STRIP1: variants seen among roughly 807,000 people sequenced by gnomAD.
STRIP1 encodes the protein striatin interacting protein 1.
A neutral mutation model predicts 106.2 loss-of-function variants in STRIP1; 63 were observed. The observed-to-expected ratio is 0.59, with a 90% CI of 0.48 to 0.73. The LOEUF (loss-of-function observed/expected upper bound fraction) is 0.73. Ranked by LOEUF, STRIP1 falls within the 30% of genes least tolerant of loss-of-function variation. The pLI is 0.00. For synonymous variants in STRIP1, 390 were observed against 413.0 expected (o/e 0.94, Z 0.67); for missense variants, 857 against 1,074.8 (o/e 0.80, Z 2.83).
chr1:110,050,269 G>T (rs1653229694), intron 17 of STRIP1, 74 bp from the exon 18 acceptor site: 7 of 1,462,732 alleles, frequency 4.8e-6, no homozygotes, highest in Non-Finnish European at 6.7e-6. Flanking sequence ...CTGGGAGCTG[G>T]CTCAGGCACG....
Position 110,054,075 on chromosome 1 carries a change from C to A in STRIP1, c.*163C>A. 1.3e-6 allele frequency: 1 copy of A among 795,322 alleles called. No individual in the cohort carries two copies. The highest frequency in any genetic ancestry group is 2.0e-6 in the Non-Finnish European group (1 of 505,998). The allele number at this position is 795,322 out of a possible 1,614,324, so 49.3% of individuals were successfully genotyped here. A position where few individuals can be genotyped will look rare whatever the true frequency, so the allele number is the denominator to read the frequency against. On this transcript the variant is annotated 3_prime_UTR_variant, in exon 21 of 21. Coordinates refer to ENST00000369795, the MANE Select transcript of STRIP1 (RefSeq NM_033088.4). ...CTGGGCTTGGGTGAGCCCAGCTTGA[C>A]CTCCCCTTGGTTCCCAGGGTCCTGC...
chr1:110,036,822 G>A (rs1652480028), intron 1 of STRIP1, among the ~76,000 whole-genome samples: 1 of 151,826 alleles, frequency 6.6e-6, no homozygotes, highest in African/African-American at 2.4e-5. Context: ...TATGTTTTTT[G>A]TTTTGTTTTG....
intron 12 of STRIP1, chr1:110,045,330 C>CA (rs1652970707): frequency 2.1e-6 from 1 of 468,946 alleles, no homozygotes; most frequent in Non-Finnish European, 3.9e-6. Context: ...ATTACCTGAC[C>CA]ACCGGGCACC....
At chr1:110,034,243 C>T (rs1482352858), upstream of STRIP1, among the ~76,000 whole-genome samples, 1 of 152,184 alleles carries the variant, frequency 6.6e-6, no homozygotes, top group Non-Finnish European at 1.5e-5. Context: ...GAATGAATGA[C>T]AAGCACTTGT....
intron 1 of STRIP1, among the ~76,000 whole-genome samples, chr1:110,035,432 T>G (rs1160848471): frequency 6.6e-6 from 1 of 152,206 alleles, no homozygotes; most frequent in Non-Finnish European, 1.5e-5. Flanking sequence ...TTGTGCCCAG[T>G]GCGCCTGATA....
chr1:110,053,586 A>G, intron 20 of STRIP1, 79 bp from the exon 21 acceptor site: 1 of 1,565,912 alleles, frequency 6.4e-7, no homozygotes, highest in Non-Finnish European at 8.7e-7. Context: ...GTTGACACTC[A>G]ATATTCCTGG....
intron 15 of STRIP1, 110 bp downstream of exon 15, chr1:110,047,979 T>C: frequency 1.1e-6 from 1 of 902,054 alleles, no homozygotes. Flanking sequence ...ACAGGTTAAA[T>C]GTAGGTATTT....
chr1:110,050,941 G>A lies in STRIP1; in HGVS notation c.1957-15G>A. On this transcript the variant is annotated splice_polypyrimidine_tract_variant and intron_variant, in intron 18 of 20. Coordinates refer to ENST00000369795, the MANE Select transcript of STRIP1 (RefSeq NM_033088.4). The stretch of plus-strand genomic sequence containing the variant: ...GCAGCCATGAGGGCTGATTGTTCCT[G>A]GGTTTACCCTGCAGGAAGCAGGTGA... 2 of 1,485,390 alleles carry A rather than the reference G, an allele frequency of 1.3e-6. No homozygotes were observed. Among genetic ancestry groups the A allele is most frequent in the Non-Finnish European group, 9.4e-7 (1 of 1,062,778 alleles). 92.0% of individuals were successfully genotyped at this position (1,485,390 alleles called of 1,614,324 possible).
chr1:110,040,571 T>C, intron 5 of STRIP1, 64 bp from the exon 6 acceptor site: 1 of 1,497,066 alleles, frequency 6.7e-7, no homozygotes, highest in Non-Finnish European at 9.1e-7. Context: ...TGGTCAGTAC[T>C]TGTCAGGGAC....
intron 3 of STRIP1, 65 bp downstream of exon 3, chr1:110,038,822 T>C (rs969523749): frequency 6.8e-7 from 1 of 1,468,290 alleles, no homozygotes; most frequent in African/African-American, 1.4e-5. Context: ...AGGTTTCTTT[T>C]AGGCATCTGA....
At chr1:110,040,017 ATTGTT>A in intron 5 of STRIP1, 1 of 689,478 alleles carries the variant, frequency 1.5e-6, no homozygotes, top group Non-Finnish European at 2.3e-6. Flanking sequence ...TGTCCCGGGC[ATTGTT>A]CTCAGAATAT....
At chr1:110,045,146 G>GGAGAA in intron 12 of STRIP1, 68 bp downstream of exon 12, 1 of 1,453,512 alleles carries the variant, frequency 6.9e-7, no homozygotes, top group Non-Finnish European at 9.6e-7. Flanking sequence ...CAGCCTGTAG[G>GGAGAA]GAGAAGCCTT....
Position 110,047,798 on chromosome 1 carries a change from T to G in STRIP1, c.1590T>G (p.Ala530=), listed in dbSNP as rs36100542. 5.2e-3 allele frequency: 8,162 copies of G among 1,571,022 alleles called. 330 individuals carry two copies. The African/African-American group carries it at 0.092, about 18-fold the overall frequency. ...YMIALLKILL[A]AAPTSKAKTD... ...TTGCCCTCCTGAAGATCCTGTTGGC[T>G]GCAGCACCCACCTCAAAAGCCAAAA... Residue 530 remains alanine, a synonymous_variant, in exon 15 of 21, where the codon GCT becomes GCG. Transcript: ENST00000369795.
At position 110,034,750 on chromosome 1, in the gene STRIP1, C is replaced by G. The variant is rs1354195719; in HGVS notation, c.113C>G (p.Ala38Gly). Residue 38 changes from alanine to glycine, a missense_variant, in exon 1 of 21, where the codon GCC becomes GGC. By Grantham distance (60) the Ala-to-Gly change is moderately conservative (BLOSUM62 0). This residue lies in a region of STRIP1 where 107 missense variants were observed against 85.1 expected (regional missense o/e 1.26). Transcript: ENST00000369795. ...AAQPPPGAPR[A>G]AAGLLPGGKA... The stretch of plus-strand genomic sequence containing the variant: ...CAGCCACCACCCGGGGCACCGCGGG[C>G]CGCCGCGGGCCTCCTGCCTGGGGGC... The G allele has an allele frequency of 6.8e-7, 1 of 1,462,316 alleles. No homozygotes were observed. Among genetic ancestry groups the G allele is most frequent in the East Asian group, 2.9e-5 (1 of 34,744 alleles). 90.6% of individuals were successfully genotyped at this position (1,462,316 alleles called of 1,614,324 possible).
At chr1:110,047,727 A>T (rs1376761310) in intron 14 of STRIP1, 45 bp from the exon 15 acceptor site, 31 of 1,545,878 alleles carry the variant, frequency 2.0e-5, no homozygotes, top group Non-Finnish European at 2.7e-5. Flanking sequence ...CTTAATTTTG[A>T]CCCTGGGCTC....
chr1:110,047,672 G>A, intron 14 of STRIP1, 56 bp downstream of exon 14: 1 of 1,563,788 alleles, frequency 6.4e-7, no homozygotes, highest in Non-Finnish European at 8.7e-7. Flanking sequence ...AGCAGGCCCT[G>A]CCGTCCTCCT....
intron 10 of STRIP1, 151 bp downstream of exon 10, chr1:110,044,007 C>G (rs1233999186): frequency 1.3e-6 from 1 of 745,852 alleles, no homozygotes; most frequent in African/African-American, 1.8e-5. Context: ...GCACCCTGTG[C>G]TGTCCTGAGG....
In STRIP1 at chr1:110,043,283, G is replaced by C. The variant is rs894778024; in HGVS notation, c.1068+13G>C. ...CCGAGAGCACAAGGTGAGGACGACAGAGGTCCCTGTGACTCCTGAGGGCCC... is the reference window on the plus strand; with the variant it reads ...CCGAGAGCACAAGGTGAGGACGACACAGGTCCCTGTGACTCCTGAGGGCCC... On this transcript the variant is annotated intron_variant, in intron 9 of 20. Coordinates refer to ENST00000369795, the MANE Select transcript of STRIP1 (RefSeq NM_033088.4). 3 of 1,607,820 alleles carry C rather than the reference G, an allele frequency of 1.9e-6. No homozygotes were observed. Among genetic ancestry groups the C allele is most frequent in the Non-Finnish European group, 1.7e-6 (2 of 1,179,584 alleles).
rs1192007075 is a variant in STRIP1 at position 110,041,832 on chromosome 1, G to A, written c.856G>A (p.Val286Ile). 1 of 1,614,202 alleles carries A rather than the reference G, an allele frequency of 6.2e-7. No homozygotes were observed. The change falls in exon 8 of 21, where the codon GTT becomes ATT. Residue 286 changes from valine (V) to isoleucine (I), a missense_variant. By Grantham distance (29) the Val-to-Ile change is conservative (BLOSUM62 3). Around this residue, in one of 2 missense-constraint regions of STRIP1, gnomAD observed 750 missense variants for 989.8 expected, o/e 0.76. Coordinates refer to ENST00000369795, the MANE Select transcript of STRIP1 (RefSeq NM_033088.4). The part of the protein sequence containing the change: ...GHAPHFPMKK[V>I]LLLLWKTVLC... ...CGCCCCTCACTTTCCCATGAAGAAAGTTCTCTTGCTGCTCTGGAAGACAGT... is the reference window on the plus strand; with the variant it reads ...CGCCCCTCACTTTCCCATGAAGAAAATTCTCTTGCTGCTCTGGAAGACAGT...
Sources: gnomAD v4.1 joint callset for allele counts (sites outside exome capture counted in the v4.1 genomes callset) on GRCh38, gnomAD v4.1.1 for gene constraint, gnomAD v4.1.1 regional missense constraint, MANE v1.5 for transcripts, NCBI Gene and HGNC (gene_info 2026-07-23, HGNC 2026-07-21) for gene names.